RNF130: variants seen among roughly 807,000 people sequenced by gnomAD.
RNF130 encodes E3 ubiquitin-protein ligase RNF130.
A neutral mutation model predicts 44.6 loss-of-function variants in RNF130; 21 were observed. That is an observed-to-expected ratio of 0.47 (90% CI 0.33 to 0.68). The LOEUF is 0.68. Ranked by LOEUF, RNF130 falls within the 30% of genes least tolerant of loss-of-function variation. RNF130 has a pLI of 0.02. For synonymous variants in RNF130, 214 were observed against 210.4 expected (o/e 1.02, Z -0.15); for missense variants, 479 against 560.6 (o/e 0.85, Z 1.47).
At chr5:179,975,796 T>G (rs865903746) in intron 5 of RNF130, among the ~76,000 whole-genome samples, 15 of 152,010 alleles carry the variant, frequency 9.9e-5, no homozygotes, top group African/African-American at 3.4e-4. Context: ...TGCCAAAAAT[T>G]CTAACATTCA....
intron 2 of RNF130, among the ~76,000 whole-genome samples, chr5:180,018,366 G>A (rs914536789): frequency 2.0e-5 from 3 of 152,124 alleles, no homozygotes; most frequent in Non-Finnish European, 4.4e-5. Context: ...ACATGGCTAG[G>A]GAAGCCTCAG....
intron 3 of RNF130, among the ~76,000 whole-genome samples, chr5:180,001,336 G>A (rs1763332486): frequency 6.6e-6 from 1 of 152,152 alleles, no homozygotes; most frequent in Non-Finnish European, 1.5e-5. Flanking sequence ...CTGGATTCCA[G>A]GAGCAGGTGC....
At chr5:180,000,558 G>A (rs1039337324) in intron 3 of RNF130, among the ~76,000 whole-genome samples, 5 of 151,962 alleles carry the variant, frequency 3.3e-5, no homozygotes, top group African/African-American at 9.7e-5. Flanking sequence ...CATAAGTTTT[G>A]TAGGCGTTCT....
intron 7 of RNF130, among the ~76,000 whole-genome samples, chr5:179,943,277 G>T (rs1761990842): frequency 1.3e-5 from 2 of 152,094 alleles, no homozygotes; most frequent in Admixed American, 1.3e-4. Context: ...TGTGTGGGAG[G>T]GATTTTGTTG....
intron 2 of RNF130, among the ~76,000 whole-genome samples, chr5:180,013,678 T>C (rs891131934): frequency 6.6e-6 from 1 of 152,254 alleles, no homozygotes; most frequent in African/African-American, 2.4e-5. Context: ...ATGGTAGATT[T>C]ACACTGTAAA....
Position 179,956,789 on chromosome 5 carries a change from G to A in RNF130, c.1245-1120C>T, listed in dbSNP as rs1350502395. Among the ~76,000 whole-genome samples, 11 of 152,190 alleles carry A rather than the reference G, an allele frequency of 7.2e-5. No individual in the cohort carries two copies. In the East Asian group the frequency reaches 7.7e-4, roughly 11 times the overall value. On this transcript the variant is annotated intron_variant, in intron 8 of 8. Transcript: ENST00000521389. ...CCTCACTCTCCAGCCACATCAGTAC[G>A]CACATGAGGGCATAGCCCTGAGCTC...
chr5:180,005,144 A>G (rs1053261973), intron 3 of RNF130, among the ~76,000 whole-genome samples: 1 of 152,104 alleles, frequency 6.6e-6, no homozygotes, highest in Admixed American at 6.6e-5. Flanking sequence ...AACCGTACTG[A>G]TGGCCCGGCG....
intron 5 of RNF130, 68 bp downstream of exon 5, chr5:179,978,135 C>A (rs1717557996): frequency 1.5e-6 from 2 of 1,334,842 alleles, no homozygotes; most frequent in African/African-American, 2.9e-5. Flanking sequence ...GGGAGATGCC[C>A]ACCCTGAAAA....
chr5:180,007,839 C>T (rs1009796623), intron 3 of RNF130, among the ~76,000 whole-genome samples: 1 of 152,176 alleles, frequency 6.6e-6, no homozygotes, highest in Non-Finnish European at 1.5e-5. Flanking sequence ...CTGGGACAAC[C>T]GTGAGCCTTT....
intron 5 of RNF130, 55 bp from the exon 6 acceptor site, chr5:179,970,561 C>A (rs1582151071): frequency 7.3e-7 from 1 of 1,361,938 alleles, no homozygotes; most frequent in Non-Finnish European, 1.0e-6. Context: ...ACTTATTAGG[C>A]CAAAATGGAA....
chr5:180,059,049 A>T (rs1468442271), intron 1 of RNF130, among the ~76,000 whole-genome samples: 2 of 152,208 alleles, frequency 1.3e-5, no homozygotes, highest in Non-Finnish European at 2.9e-5. Context: ...TCTTATATAA[A>T]GTCCAAAATC....
intron 3 of RNF130, among the ~76,000 whole-genome samples, chr5:179,990,585 G>A (rs1763058057): frequency 6.6e-6 from 1 of 152,110 alleles, no homozygotes; most frequent in Non-Finnish European, 1.5e-5. Flanking sequence ...ACTCCCCCAG[G>A]GAAAGGGAGA....
intron 6 of RNF130, among the ~76,000 whole-genome samples, chr5:179,969,807 T>A (rs1227322987): frequency 6.6e-6 from 1 of 151,970 alleles, no homozygotes; most frequent in Non-Finnish European, 1.5e-5. Context: ...CTGGACAACA[T>A]GGTGAAACCC....
chr5:180,038,881 G>C (rs936804100), intron 2 of RNF130, among the ~76,000 whole-genome samples: 9 of 152,216 alleles, frequency 5.9e-5, no homozygotes, highest in African/African-American at 1.9e-4. Context: ...TTTTCTTCAT[G>C]TTTTAAGTAA....
chr5:179,958,619 G>A (rs537411611), intron 8 of RNF130, among the ~76,000 whole-genome samples: 2 of 152,286 alleles, frequency 1.3e-5, no homozygotes, highest in African/African-American at 2.4e-5. Flanking sequence ...ATCAGGTCCT[G>A]GTGCAGGCTC....
At chr5:180,013,444 C>T in intron 2 of RNF130, 133 bp from the exon 3 acceptor site, 1 of 770,914 alleles carries the variant, frequency 1.3e-6, no homozygotes, top group Non-Finnish European at 2.0e-6. Context: ...CACTTCTCAA[C>T]TGAAATGTAG....
chr5:179,966,978 G>T lies in RNF130; in HGVS notation c.978C>A (p.Phe326Leu). 6.2e-7 allele frequency: 1 copy of T among 1,614,182 alleles called. No individual in the cohort carries two copies. Among genetic ancestry groups the T allele is most frequent in the African/African-American group, 1.3e-5 (1 of 75,066 alleles). The change falls in exon 7 of 9, where the codon TTC (phenylalanine) becomes TTA (leucine). Residue 326 changes from phenylalanine (F) to leucine (L), a missense_variant. Phe to Leu is a conservative substitution (Grantham distance 22). This residue lies in a region of RNF130 where 161 missense variants were observed against 158.6 expected (regional missense o/e 1.02). Transcript: ENST00000521389. ...GGGTTCTGGTGAGCCTTTCCATATC[G>T]AATGCTACGTTATCAGTACATGGCA... ...PNLPCTDNVA[F>L]DMERLTRTQA...
chr5:180,044,819 T>TAG (rs892333973), intron 1 of RNF130, among the ~76,000 whole-genome samples: 8 of 151,124 alleles, frequency 5.3e-5, no homozygotes, highest in Admixed American at 5.3e-4. Flanking sequence ...GCGACGGAAG[T>TAG]AGACTCCGTC....
intron 3 of RNF130, among the ~76,000 whole-genome samples, chr5:180,010,937 G>A (rs1441881013): frequency 1.3e-5 from 2 of 152,140 alleles, no homozygotes; most frequent in East Asian, 1.9e-4. Flanking sequence ...GTGTATTTAG[G>A]AAGATCAGTG....
Sources: allele counts gnomAD v4.1 joint callset (sites outside exome capture counted in the v4.1 genomes callset), GRCh38; gene constraint gnomAD v4.1.1; regional missense constraint gnomAD v4.1.1; transcripts MANE v1.5; gene names NCBI Gene and HGNC (gene_info 2026-07-23, HGNC 2026-07-21).